The following TUBB3 variants were observed in gnomAD, a reference collection of about 807,000 sequenced individuals.
TUBB3 encodes the protein tubulin beta 3 class III, also known as tubulin beta-3 chain.
Under a neutral mutation model 37.8 loss-of-function variants are expected in TUBB3, and 17 were observed. The observed-to-expected ratio is 0.45, with a 90% CI of 0.31 to 0.67. TUBB3 has a LOEUF of 0.67. Ranked by LOEUF, TUBB3 falls within the 30% of genes least tolerant of loss-of-function variation. The pLI is 0.07. For synonymous variants in TUBB3, 332 were observed against 278.9 expected (o/e 1.19, Z -1.90); for missense variants, 262 against 657.9 (o/e 0.40, Z 6.58).
chr16:89,932,005 G>C (rs1335843521), intron 1 of TUBB3: 2 of 275,496 alleles, frequency 7.3e-6, no homozygotes, highest in African/African-American at 4.4e-5. Flanking sequence ...TCCCCGATGA[G>C]ACTGGCTCTC....
chr16:89,927,869 A>G (rs150291871), intron 1 of TUBB3, among the ~76,000 whole-genome samples: 1 of 151,958 alleles, frequency 6.6e-6, no homozygotes, highest in Non-Finnish European at 1.5e-5. Flanking sequence ...TACTCTCTCC[A>G]CCCCTCCTTT....
chr16:89,923,884 C>G (rs915902468), intron 1 of TUBB3, among the ~76,000 whole-genome samples: 2 of 152,152 alleles, frequency 1.3e-5, no homozygotes, highest in African/African-American at 2.4e-5. Flanking sequence ...GCCGTGATTT[C>G]CTCGGCCCGA....
In TUBB3 at chr16:89,934,880, G is replaced by A. The variant is rs375864441; in HGVS notation, c.429G>A (p.Thr143=). ...TGACCCACTCGCTGGGGGGCGGCAC[G>A]GGCTCCGGCATGGGCACGTTGCTCA... is the stretch of plus-strand genomic sequence containing the variant. ...FQLTHSLGGG[T]GSGMGTLLIS... The change falls in exon 4 of 4, where the codon ACG becomes ACA. Residue 143 remains threonine, a synonymous_variant. Transcript: ENST00000315491. The A allele has an allele frequency of 1.5e-5, 25 of 1,614,004 alleles. No individual in the cohort carries two copies. The highest frequency in any genetic ancestry group is 4.0e-5 in the African/African-American group (3 of 74,904).
upstream of TUBB3, among the ~76,000 whole-genome samples, chr16:89,922,973 C>G (rs1357582775): frequency 6.6e-6 from 1 of 152,252 alleles, no homozygotes; most frequent in African/African-American, 2.4e-5. Context: ...AAAGACCCTC[C>G]GTACAAAGCC....
At chr16:89,929,201 G>A (rs773621916) in intron 1 of TUBB3, among the ~76,000 whole-genome samples, 22 of 152,096 alleles carry the variant, frequency 1.4e-4, no homozygotes, top group Admixed American at 3.3e-4. Context: ...GACTTCAAGT[G>A]ATCTGCCTGC....
chr16:89,932,935 G>C, intron 2 of TUBB3: 1 of 552,808 alleles, frequency 1.8e-6, no homozygotes, highest in Non-Finnish European at 3.3e-6. Context: ...CAGGGGCACA[G>C]ACAGGGATGG....
chr16:89,928,439 A>C (rs1277815058), intron 1 of TUBB3, among the ~76,000 whole-genome samples: 1 of 149,278 alleles, frequency 6.7e-6, no homozygotes, highest in Non-Finnish European at 1.5e-5. Flanking sequence ...GCTCACTGCA[A>C]CCTCCACCTC....
At chr16:89,927,550 A>G (rs1172740295) in intron 1 of TUBB3, among the ~76,000 whole-genome samples, 1 of 152,090 alleles carries the variant, frequency 6.6e-6, no homozygotes, top group Non-Finnish European at 1.5e-5. Flanking sequence ...AGTGGGAACA[A>G]ATTTCTTTTT....
chr16:89,930,561 C>T (rs760757784), intron 1 of TUBB3, among the ~76,000 whole-genome samples: 1 of 151,600 alleles, frequency 6.6e-6, no homozygotes, highest in African/African-American at 2.4e-5. Context: ...GTAGCTGGAA[C>T]GTGTGAGCCA....
chr16:89,932,643 C>T lies in TUBB3; in HGVS notation c.130C>T (p.Leu44=). 1.2e-6 allele frequency: 2 copies of T among 1,614,142 alleles called. No homozygotes were observed. The highest frequency in any genetic ancestry group is 1.7e-6 in the Non-Finnish European group (2 of 1,180,034). ...GNYVGDSDLQ[L]ERISVYYNEA... is the part of the protein sequence containing the mutation. ...CTACGTGGGCGACTCGGACTTGCAG[C>T]TGGAGCGGATCAGCGTCTACTACAA... The change falls in exon 2 of 4, where the codon CTG becomes TTG. Residue 44 remains leucine, a synonymous_variant. Coordinates refer to ENST00000315491, the MANE Select transcript of TUBB3 (RefSeq NM_006086.4).
chr16:89,927,995 C>T (rs2030146551), intron 1 of TUBB3, among the ~76,000 whole-genome samples: 2 of 152,144 alleles, frequency 1.3e-5, no homozygotes, highest in South Asian at 4.1e-4. Flanking sequence ...ATGGGGGATC[C>T]TCAAAGAGAG....
intron 1 of TUBB3, among the ~76,000 whole-genome samples, chr16:89,927,966 A>G (rs2030145776): frequency 6.6e-6 from 1 of 152,204 alleles, no homozygotes; most frequent in Non-Finnish European, 1.5e-5. Context: ...ACTCAAGTGG[A>G]CTGCCAGCAA....
rs755758647 is a variant in TUBB3, at chr16:89,932,868, T to TCA, written c.166+192_166+193dup. 136 of 627,860 alleles carry TCA rather than the reference T, an allele frequency of 2.2e-4. 1 individual carries two copies. The highest frequency in any genetic ancestry group is 2.3e-4 in the Non-Finnish European group (80 of 347,986). 38.9% of individuals were successfully genotyped at this position (627,860 alleles called of 1,614,324 possible). On this transcript the variant is annotated intron_variant, in intron 2 of 3. Transcript: ENST00000315491. Reference sequence around the variant, plus strand: ...CCAGACGCACAGAACAGACAATAAATCACAGTCACAAAAGTGAGAGCCAAA... The same window carrying TCA: ...CCAGACGCACAGAACAGACAATAAATCACACAGTCACAAAAGTGAGAGCCAAA...
intron 1 of TUBB3, among the ~76,000 whole-genome samples, chr16:89,925,575 G>A (rs1359953144): frequency 2.0e-5 from 3 of 152,094 alleles, no homozygotes; most frequent in Admixed American, 2.0e-4. Flanking sequence ...CAGACTAGGC[G>A]ATAGAGTGAG....
chr16:89,925,399 C>A (rs960602847), intron 1 of TUBB3, among the ~76,000 whole-genome samples: 115 of 150,092 alleles, frequency 7.7e-4, no homozygotes, highest in African/African-American at 2.8e-3. Flanking sequence ...CAAGACCAGC[C>A]GGGATAACAT....
At chr16:89,925,626 CAATG>C (rs2144402853) in intron 1 of TUBB3, among the ~76,000 whole-genome samples, 1 of 152,102 alleles carries the variant, frequency 6.6e-6, no homozygotes, top group East Asian at 1.9e-4. Flanking sequence ...TTCTTTTTAA[CAATG>C]AAAGCAACAG....
In TUBB3 at chr16:89,935,008, C is replaced by T. The variant is rs770484819; in HGVS notation, c.557C>T (p.Thr186Met). Reference sequence around the variant, plus strand: ...ACGGTGGTGGAGCCCTACAACGCCACGCTGTCCATCCACCAGCTGGTGGAG... The same window carrying T: ...ACGGTGGTGGAGCCCTACAACGCCATGCTGTCCATCCACCAGCTGGTGGAG... ...SDTVVEPYNA[T>M]LSIHQLVENT... Residue 186 changes from threonine to methionine, a missense_variant, in exon 4 of 4, where the codon ACG (threonine) becomes ATG (methionine). Thr to Met is a moderately conservative substitution (Grantham distance 81). Coordinates refer to ENST00000315491, the MANE Select transcript of TUBB3 (RefSeq NM_006086.4). 1.2e-6 allele frequency: 2 copies of T among 1,614,188 alleles called. No homozygotes were observed. The highest frequency in any genetic ancestry group is 1.7e-6 in the Non-Finnish European group (2 of 1,180,030).
In TUBB3 at chr16:89,935,867, C is replaced by G; in HGVS notation, c.*63C>G. ...GGGGCCGAAGCCAGCAGTGTCTAAA[C>G]CCCCGGAGCCATCTTGCTGCCGACA... On this transcript the variant is annotated 3_prime_UTR_variant, in exon 4 of 4. Coordinates refer to ENST00000315491, the MANE Select transcript of TUBB3 (RefSeq NM_006086.4). 1 of 1,541,412 alleles carries G rather than the reference C, an allele frequency of 6.5e-7. No individual in the cohort carries two copies. The highest frequency in any genetic ancestry group is 8.8e-7 in the Non-Finnish European group (1 of 1,140,198).
chr16:89,923,599 G>C, intron 1 of TUBB3, 141 bp downstream of exon 1: 6 of 798,258 alleles, frequency 7.5e-6, no homozygotes, highest in Non-Finnish European at 1.0e-5. Flanking sequence ...CCGGGCGGCC[G>C]GGACGCGGGG....
Sources: allele counts gnomAD v4.1 joint callset (sites outside exome capture counted in the v4.1 genomes callset), GRCh38; gene constraint gnomAD v4.1.1; transcripts MANE v1.5; gene names NCBI Gene and HGNC (gene_info 2026-07-23, HGNC 2026-07-21).